The following KCNU1 variants were observed in gnomAD, a reference collection of about 807,000 sequenced individuals.
KCNU1 encodes the protein potassium channel subfamily U member 1.
A neutral mutation model predicts 126.8 loss-of-function variants in KCNU1; 93 were observed. That is an observed-to-expected ratio of 0.73 (90% CI 0.62 to 0.87). The LOEUF (loss-of-function observed/expected upper bound fraction) is 0.87. KCNU1 is among the 40% of genes least tolerant of loss of function. The probability of loss-of-function intolerance (pLI) is 0.00; values close to 1 mark genes in which losing one functional copy is unlikely to be tolerated. For missense variants in KCNU1, 1,330 were observed against 1,367.1 expected, an observed-to-expected ratio of 0.97 and a Z score of 0.43; for synonymous variants, 523 against 494.2, an observed-to-expected ratio of 1.06 and a Z score of -0.77.
intron 10 of KCNU1, among the ~76,000 whole-genome samples, chr8:36,823,127 C>A (rs984482372): frequency 6.6e-6 from 1 of 152,052 alleles, no homozygotes; most frequent in East Asian, 1.9e-4. Flanking sequence ...GATCAGAATA[C>A]GCATTCAGAA....
intron 18 of KCNU1, among the ~76,000 whole-genome samples, chr8:36,857,580 A>G (rs374761219): frequency 5.8e-4 from 89 of 152,190 alleles, no homozygotes; most frequent in African/African-American, 2.1e-3. Context: ...TTTATTGAAT[A>G]CAAGTTTTCT....
intron 19 of KCNU1, among the ~76,000 whole-genome samples, chr8:36,881,809 C>T (rs1264519754): frequency 1.4e-5 from 2 of 146,862 alleles, no homozygotes; most frequent in East Asian, 4.1e-4. Flanking sequence ...CACACACACA[C>T]ACACACACAC....
intron 8 of KCNU1, among the ~76,000 whole-genome samples, chr8:36,815,296 ACT>A (rs966454573): frequency 1.3e-5 from 2 of 152,122 alleles, no homozygotes; most frequent in African/African-American, 2.4e-5. Context: ...ACAGACAGAG[ACT>A]CTGTCTCAAA....
At position 36,875,111 on chromosome 8, in the gene KCNU1, T is replaced by G. The variant is rs1806233701; in HGVS notation, c.2009+10590T>G. On this transcript the variant is annotated intron_variant, in intron 19 of 26. Transcript: ENST00000399881. Reference sequence around the variant, plus strand: ...AAAATCATAAGGCCATGTATAAATGTGAAAGAAGCTGCCATTTTCTGTCCG... The same window carrying G: ...AAAATCATAAGGCCATGTATAAATGGGAAAGAAGCTGCCATTTTCTGTCCG... 1.3e-5 allele frequency among the ~76,000 whole-genome samples: 2 copies of G among 152,092 alleles called. 1 individual carries two copies. The highest frequency in any genetic ancestry group is 4.1e-4 in the South Asian group (2 of 4,832).
chr8:36,786,461 C>T lies in KCNU1; in HGVS notation c.196-845C>T, dbSNP rs115868581. 4.3e-3 allele frequency among the ~76,000 whole-genome samples: 653 copies of T among 152,212 alleles called. 7 individuals carry two copies. The highest frequency in any genetic ancestry group is 0.015 in the African/African-American group (615 of 41,542). ...TTTTTAATGAGACTTCCCTTTTTATCATTCAGAAAATATGAGTAGAAAAAT... is the reference window on the plus strand; with the variant it reads ...TTTTTAATGAGACTTCCCTTTTTATTATTCAGAAAATATGAGTAGAAAAAT... On this transcript the variant is annotated intron_variant, in intron 1 of 26. Coordinates refer to ENST00000399881, the MANE Select transcript of KCNU1 (RefSeq NM_001031836.3).
At chr8:36,810,713 C>A (rs1803680207) in intron 7 of KCNU1, among the ~76,000 whole-genome samples, 1 of 152,074 alleles carries the variant, frequency 6.6e-6, no homozygotes, top group South Asian at 2.1e-4. Flanking sequence ...AATATGGCAC[C>A]TGTGCCTAAA....
chr8:36,812,740 A>G (rs1803770631), intron 7 of KCNU1, among the ~76,000 whole-genome samples: 1 of 152,188 alleles, frequency 6.6e-6, no homozygotes, highest in African/African-American at 2.4e-5. Flanking sequence ...GAGGAAGAAC[A>G]GTGTGAATAA....
At chr8:36,800,278 T>C (rs1175141065) in intron 2 of KCNU1, among the ~76,000 whole-genome samples, 1 of 152,188 alleles carries the variant, frequency 6.6e-6, no homozygotes, top group Non-Finnish European at 1.5e-5. Flanking sequence ...TTGGATTTTG[T>C]TTCTTATCTG....
intron 13 of KCNU1, 79 bp from the exon 14 acceptor site, chr8:36,836,714 A>C (rs908882549): frequency 2.2e-5 from 28 of 1,252,136 alleles, no homozygotes; most frequent in Non-Finnish European, 3.2e-5. Context: ...AATTTAAAAA[A>C]AGAAAGACAT....
intron 18 of KCNU1, among the ~76,000 whole-genome samples, chr8:36,855,904 C>A (rs1369752657): frequency 1.3e-5 from 2 of 152,074 alleles, no homozygotes; most frequent in African/African-American, 4.8e-5. Context: ...AAGAAGTCAG[C>A]TGTTTCACAT....
Position 36,911,139 on chromosome 8 carries a change from A to C in KCNU1, c.2521+20A>C. 6.4e-7 allele frequency: 1 copy of C among 1,570,530 alleles called. No individual in the cohort carries two copies. Among genetic ancestry groups the C allele is most frequent in the Non-Finnish European group, 8.7e-7 (1 of 1,150,728 alleles). On this transcript the variant is annotated intron_variant, in intron 22 of 26. Transcript: ENST00000399881. ...TGTCAGGTGAGAACAGCACCCCTGAAAAGAAGAAACTAGGACGTATGGAAA... is the reference window on the plus strand; with the variant it reads ...TGTCAGGTGAGAACAGCACCCCTGACAAGAAGAAACTAGGACGTATGGAAA...
chr8:36,868,522 T>C (rs1805990452), intron 19 of KCNU1, among the ~76,000 whole-genome samples: 1 of 152,134 alleles, frequency 6.6e-6, no homozygotes, highest in African/African-American at 2.4e-5. Context: ...AGATGTAATC[T>C]TCAGGCCACC....
chr8:36,819,579 T>C (rs778490714), intron 10 of KCNU1, among the ~76,000 whole-genome samples: 1 of 152,178 alleles, frequency 6.6e-6, no homozygotes, highest in Non-Finnish European at 1.5e-5. Context: ...AAAATTTCTC[T>C]CAAGGCCACT....
intron 18 of KCNU1, among the ~76,000 whole-genome samples, chr8:36,863,156 T>A (rs1445339391): frequency 2.0e-5 from 3 of 152,200 alleles, no homozygotes; most frequent in Non-Finnish European, 2.9e-5. Flanking sequence ...GTGTTTTGAC[T>A]TAGTTGATGT....
intron 15 of KCNU1, 57 bp downstream of exon 15, chr8:36,840,632 G>A (rs1015321406): frequency 1.3e-5 from 13 of 978,184 alleles, no homozygotes; most frequent in African/African-American, 6.4e-5. Flanking sequence ...TTTCAACAAC[G>A]TTCACTGAGG....
chr8:36,818,182 C>G lies in KCNU1; in HGVS notation c.1106+422C>G, dbSNP rs970740763. On this transcript the variant is annotated intron_variant, in intron 10 of 26. Coordinates refer to ENST00000399881, the MANE Select transcript of KCNU1 (RefSeq NM_001031836.3). ...CAGTCTATCTTTCCACTAGCAGAGC[C>G]TAAGTCAAATATTTTGTCAAGCACT... Among the ~76,000 whole-genome samples the G allele has an allele frequency of 2.0e-5, 3 of 152,206 alleles. No homozygotes were observed. The South Asian group carries it at 6.2e-4, about 32-fold the overall frequency.
At chr8:36,841,102 T>C in intron 16 of KCNU1, 99 bp downstream of exon 16, 1 of 808,438 alleles carries the variant, frequency 1.2e-6, no homozygotes, top group African/African-American at 1.8e-5. Flanking sequence ...GATGCAGCTA[T>C]AACTAAGCTT....
chr8:36,918,451 A>G (rs1252353487), intron 22 of KCNU1, among the ~76,000 whole-genome samples: 2 of 151,904 alleles, frequency 1.3e-5, no homozygotes, highest in Non-Finnish European at 2.9e-5. Context: ...GCTACTCAGG[A>G]GGCTGAGGCA....
chr8:36,931,139 C>T lies in KCNU1; in HGVS notation c.2925C>T (p.Asp975=), dbSNP rs60599552. ...LLSLHETILS[D]VNPRNTFGQL... ...CCTTACACGAAACCATTTTATCAGA[C>T]GTTAATGTGAGTCTACTCTTCTCAG... Residue 975 remains aspartate (D), a synonymous_variant, in exon 25 of 27, where the codon GAC becomes GAT. Coordinates refer to ENST00000399881, the MANE Select transcript of KCNU1 (RefSeq NM_001031836.3). 2.4e-3 allele frequency: 3,919 copies of T among 1,601,866 alleles called. 58 individuals carry two copies. Among genetic ancestry groups the T allele is most frequent in the African/African-American group, 0.023 (1,742 of 74,480 alleles).
Sources: allele counts gnomAD v4.1 joint callset (sites outside exome capture counted in the v4.1 genomes callset), GRCh38; gene constraint gnomAD v4.1.1; transcripts MANE v1.5; gene names NCBI Gene and HGNC (gene_info 2026-07-23, HGNC 2026-07-21).